HDAC9: variants seen among roughly 807,000 people sequenced by gnomAD.
The protein encoded by HDAC9 is MEF-2 interacting transcription repressor (MITR) protein.
Under a neutral mutation model 139.4 loss-of-function variants are expected in HDAC9, and 41 were observed. The observed-to-expected ratio is 0.29, with a 90% CI of 0.23 to 0.38. The LOEUF is 0.38. Ranked by LOEUF, HDAC9 falls within the 10% of genes least tolerant of loss-of-function variation. The pLI is 1.00. For synonymous variants in HDAC9, 517 were observed against 476.2 expected, an observed-to-expected ratio of 1.09 and a Z score of -1.12; for missense variants, 1,147 against 1,297.0, an observed-to-expected ratio of 0.88 and a Z score of 1.78.
chr7:18,550,366 A>T (rs1009973335), intron 2 of HDAC9, among the ~76,000 whole-genome samples: 1 of 152,020 alleles, frequency 6.6e-6, no homozygotes, highest in Admixed American at 6.6e-5. Context: ...GTTCTGTTCC[A>T]TTCTATGCAA....
At chr7:18,519,587 A>T (rs1027747198) in intron 2 of HDAC9, among the ~76,000 whole-genome samples, 1 of 152,142 alleles carries the variant, frequency 6.6e-6, no homozygotes, top group African/African-American at 2.4e-5. Flanking sequence ...GTAAAAATAA[A>T]TGACTAGATA....
Position 18,353,254 on chromosome 7 carries a change from A to C in HDAC9, c.-42+62739A>C, listed in dbSNP as rs556996545. Among the ~76,000 whole-genome samples, 9 of 150,156 alleles carry C rather than the reference A, an allele frequency of 6.0e-5. No individual in the cohort carries two copies. In the East Asian group the frequency reaches 1.8e-3, roughly 29 times the overall value. ...ATGGGATATTTGATGTCTCAGGAGT[A>C]AAGTAATATTGGGATTTTTTTTTTT... On this transcript the variant is annotated intron_variant, in intron 1 of 3. Coordinates refer to the HDAC9 transcript ENST00000413509.
At chr7:18,142,223 T>C (rs1010953069) in intron 1 of HDAC9, among the ~76,000 whole-genome samples, 2 of 152,158 alleles carry the variant, frequency 1.3e-5, no homozygotes, top group Admixed American at 6.5e-5. Flanking sequence ...TTAGGTGATA[T>C]AGAAAGGATT....
At chr7:18,934,818 T>C (rs943535252) in intron 22 of HDAC9, among the ~76,000 whole-genome samples, 1 of 152,176 alleles carries the variant, frequency 6.6e-6, no homozygotes, top group South Asian at 2.1e-4. Flanking sequence ...CACATGTGCA[T>C]ATGTGCACCA....
intron 16 of HDAC9, among the ~76,000 whole-genome samples, chr7:18,788,199 C>T (rs1791985010): frequency 6.6e-6 from 1 of 152,122 alleles, no homozygotes; most frequent in South Asian, 2.1e-4. Context: ...CAGTAGCCTC[C>T]CTTTGGCTCA....
At chr7:18,731,477 T>C (rs924271112) in intron 13 of HDAC9, among the ~76,000 whole-genome samples, 7 of 152,170 alleles carry the variant, frequency 4.6e-5, no homozygotes, top group Non-Finnish European at 1.5e-5. Flanking sequence ...CACAGCCCAC[T>C]GGATTAGGCA....
intron 21 of HDAC9, among the ~76,000 whole-genome samples, chr7:18,846,528 A>G (rs2129220022): frequency 6.6e-6 from 1 of 152,356 alleles, no homozygotes; most frequent in Non-Finnish European, 1.5e-5. Context: ...CCATTAGAAC[A>G]TAATTACATC....
intron 2 of HDAC9, among the ~76,000 whole-genome samples, chr7:18,185,988 T>C (rs1789884457): frequency 2.0e-5 from 3 of 152,240 alleles, no homozygotes; most frequent in African/African-American, 7.2e-5. Context: ...GAGTGTTCAT[T>C]GTATTTCAGG....
chr7:18,091,587 C>T (rs567091774), intron 1 of HDAC9, among the ~76,000 whole-genome samples: 4 of 152,310 alleles, frequency 2.6e-5, no homozygotes, highest in Admixed American at 1.3e-4. Flanking sequence ...TTTGTTTTCT[C>T]TTGCTGTGTA....
chr7:18,591,932 A>G lies in HDAC9; in HGVS notation c.542+290A>G, dbSNP rs547435255. On this transcript the variant is annotated intron_variant, in intron 5 of 25. Transcript: ENST00000686413. ...TCAACTTGAGGGCAAGGAAGTATATATGTTCTTTGATGAATGAATAACTGA... is the reference window on the plus strand; with the variant it reads ...TCAACTTGAGGGCAAGGAAGTATATGTGTTCTTTGATGAATGAATAACTGA... Among the ~76,000 whole-genome samples, 34 of 152,310 alleles carry G rather than the reference A, an allele frequency of 2.2e-4. No individual in the cohort carries two copies. The South Asian group carries it at 2.3e-3, about 10-fold the overall frequency.
chr7:18,923,413 CCT>C (rs776343895), intron 22 of HDAC9, among the ~76,000 whole-genome samples: 9 of 151,972 alleles, frequency 5.9e-5, no homozygotes, highest in Non-Finnish European at 1.2e-4. Flanking sequence ...ATGTCCATGA[CCT>C]CTCAGTTTGA....
At chr7:18,384,272 C>T (rs1251098235) in intron 1 of HDAC9, among the ~76,000 whole-genome samples, 1 of 151,716 alleles carries the variant, frequency 6.6e-6, no homozygotes, top group Non-Finnish European at 1.5e-5. Flanking sequence ...TGTGCCGCTG[C>T]ACTTCAACCT....
chr7:18,333,378 G>T (rs1427109979), intron 1 of HDAC9, among the ~76,000 whole-genome samples: 1 of 151,446 alleles, frequency 6.6e-6, no homozygotes, highest in African/African-American at 2.4e-5. Flanking sequence ...TACAGTATTA[G>T]GGATTTTTGT....
At chr7:18,416,691 T>TATA (rs1238731527) in intron 1 of HDAC9, among the ~76,000 whole-genome samples, 2 of 152,190 alleles carry the variant, frequency 1.3e-5, no homozygotes, top group African/African-American at 4.8e-5. Flanking sequence ...AAAAATTGTT[T>TATA]ATAATATTAC....
At chr7:18,797,562 T>C (rs916236426) in intron 17 of HDAC9, among the ~76,000 whole-genome samples, 13 of 152,172 alleles carry the variant, frequency 8.5e-5, no homozygotes, top group African/African-American at 3.1e-4. Flanking sequence ...GCGCAGTGGT[T>C]CATGCCTGTA....
At chr7:18,344,000 A>G (rs1782211895) in intron 1 of HDAC9, among the ~76,000 whole-genome samples, 2 of 151,886 alleles carry the variant, frequency 1.3e-5, no homozygotes, top group Non-Finnish European at 2.9e-5. Context: ...GGACCAAGTC[A>G]TATCTGCCTT....
At chr7:18,978,367 A>G (rs557094432) in intron 25 of HDAC9, among the ~76,000 whole-genome samples, 2 of 152,288 alleles carry the variant, frequency 1.3e-5, no homozygotes, top group South Asian at 4.1e-4. Context: ...GAACCATTGT[A>G]AGTATTTTTT....
At chr7:18,346,821 C>T (rs1346646818) in intron 1 of HDAC9, among the ~76,000 whole-genome samples, 1 of 151,966 alleles carries the variant, frequency 6.6e-6, no homozygotes, top group African/African-American at 2.4e-5. Flanking sequence ...AGAAAATTTC[C>T]CATTGTTTGG....
chr7:18,258,240 GA>G (rs757915314), intron 2 of HDAC9, among the ~76,000 whole-genome samples: 2 of 152,190 alleles, frequency 1.3e-5, no homozygotes, highest in African/African-American at 2.4e-5. Flanking sequence ...AAGGGTGTTA[GA>G]CATTCAGTTA....
Sources: gnomAD v4.1 joint callset for allele counts (sites outside exome capture counted in the v4.1 genomes callset) on GRCh38, gnomAD v4.1.1 for gene constraint, MANE v1.5 for transcripts, NCBI Gene and HGNC (gene_info 2026-07-23, HGNC 2026-07-21) for gene names.